The following ZNF32 variants were observed in gnomAD, a reference collection of about 807,000 sequenced individuals.
ZNF32 encodes the protein zinc finger protein 32.
A neutral mutation model predicts 24.4 loss-of-function variants in ZNF32; 13 were observed. The observed-to-expected ratio is 0.53, with a 90% CI of 0.35 to 0.85. The LOEUF is 0.85. Ranked by LOEUF, ZNF32 falls within the 40% of genes least tolerant of loss-of-function variation. ZNF32 has a pLI of 0.01. For synonymous variants in ZNF32, 115 were observed against 117.4 expected, an observed-to-expected ratio of 0.98 and a Z score of 0.13; for missense variants, 239 against 325.3, an observed-to-expected ratio of 0.73 and a Z score of 2.04.
intron 1 of ZNF32, chr10:43,648,024 G>A (rs1425147375): frequency 1.3e-5 from 2 of 152,190 alleles, no homozygotes; most frequent in Non-Finnish European, 2.9e-5. Flanking sequence ...CTATTAGAAA[G>A]GCTACTATAT....
chr10:43,645,721 T>C (rs1197945323), intron 2 of ZNF32, among the ~76,000 whole-genome samples: 1 of 152,160 alleles, frequency 6.6e-6, no homozygotes, highest in Non-Finnish European at 1.5e-5. Context: ...GCACTTTAAA[T>C]ATGGGTCCAT....
chr10:43,648,344 C>A (rs1242000608), intron 1 of ZNF32, among the ~76,000 whole-genome samples: 2 of 152,178 alleles, frequency 1.3e-5, no homozygotes, highest in African/African-American at 4.8e-5. Context: ...TTGTGGGTAG[C>A]GTGGTTTCCC....
At chr10:43,647,302 A>G (rs1419440858) in intron 1 of ZNF32, 2 of 152,090 alleles carry the variant, frequency 1.3e-5, no homozygotes, top group Non-Finnish European at 2.9e-5. Flanking sequence ...GCTGGTCTCC[A>G]ACTCTTGGCC....
chr10:43,644,306 TA>T lies in ZNF32; in HGVS notation c.565del (p.Tyr189IlefsTer16). 6.2e-7 allele frequency: 1 copy of T among 1,614,254 alleles called. No individual in the cohort carries two copies. Among genetic ancestry groups the T allele is most frequent in the East Asian group, 2.2e-5 (1 of 44,892 alleles). ...GGCTTTTCCACACTGATCACATCTA[TA>T]GGGCTTCTCACCACTGTGAACTCTC... ...HRRVHSGEKP[Y>X]RCDQCGKAFS... On this transcript the variant is annotated frameshift_variant, in exon 3 of 3. Coordinates refer to ENST00000374433, the MANE Select transcript of ZNF32 (RefSeq NM_006973.3). LOFTEE classifies it high-confidence loss of function. The surrounding 1 kb of genome is among the most constrained non-coding windows in gnomAD (Gnocchi z 5.3).
chr10:43,644,451 T>G lies in ZNF32; in HGVS notation c.421A>C (p.Ser141Arg). 1.9e-6 allele frequency: 3 copies of G among 1,614,184 alleles called. No homozygotes were observed. The South Asian group carries it at 3.3e-5, about 18-fold the overall frequency. ...KPYQCKECGK[S>R]FSQRGSLAVH... ...GCGAGACTACCTCGTTGACTGAAGC[T>G]TTTCCCACACTCCTTGCACTGATAA... The change falls in exon 3 of 3, where the codon AGC (serine) becomes CGC (arginine). Residue 141 changes from serine (S) to arginine (R), a missense_variant. Coordinates refer to ENST00000374433, the MANE Select transcript of ZNF32 (RefSeq NM_006973.3). This position sits in a 1 kb window ranked among gnomAD's most constrained non-coding sequence, Gnocchi z 5.3.
intron 2 of ZNF32, among the ~76,000 whole-genome samples, chr10:43,645,448 G>A (rs1241227064): frequency 6.6e-6 from 1 of 152,168 alleles, no homozygotes; most frequent in Admixed American, 6.5e-5. Context: ...GCTAATCCCT[G>A]CAACCCTACA....
chr10:43,646,359 C>T (rs1346971367), intron 1 of ZNF32, 157 bp from the exon 2 acceptor site: 1 of 528,248 alleles, frequency 1.9e-6, no homozygotes, highest in Non-Finnish European at 3.4e-6. Flanking sequence ...AAAATGGGCC[C>T]AAAGGTACCA....
At chr10:43,645,303 G>A (rs537941819) in intron 2 of ZNF32, among the ~76,000 whole-genome samples, 21 of 152,310 alleles carry the variant, frequency 1.4e-4, no homozygotes, top group African/African-American at 5.1e-4. Flanking sequence ...ACCAATCCAA[G>A]TGAGGGGTCC....
chr10:43,645,030 C>A, intron 2 of ZNF32: 1 of 508,398 alleles, frequency 2.0e-6, no homozygotes. Flanking sequence ...AATAGGCATT[C>A]TCCATAGCAG....
intron 1 of ZNF32, chr10:43,647,834 C>T (rs1219283131): frequency 6.6e-6 from 1 of 152,252 alleles, no homozygotes; most frequent in Admixed American, 6.5e-5. Flanking sequence ...GAGTAGAATT[C>T]ACAGCTCTGC....
intron 2 of ZNF32, chr10:43,645,014 G>A (rs1839235352): frequency 1.8e-6 from 1 of 547,302 alleles, no homozygotes; most frequent in Non-Finnish European, 3.2e-6. Context: ...AGTTAGAGCT[G>A]ACTCAAATAG....
At chr10:43,648,178 T>C (rs74138197) in intron 1 of ZNF32, among the ~76,000 whole-genome samples, 11,118 of 152,052 alleles carry the variant, frequency 0.073, 441 homozygotes, top group Middle Eastern at 0.095. Context: ...TCCTATCAGG[T>C]AGGACAATGA....
Position 43,646,161 on chromosome 10 carries a change from C to G in ZNF32, c.-28G>C. 6.2e-7 allele frequency: 1 copy of G among 1,613,324 alleles called. No homozygotes were observed. The highest frequency in any genetic ancestry group is 8.5e-7 in the Non-Finnish European group (1 of 1,179,570). Reference sequence around the variant, plus strand: ...CCACTCCTGCTTACGACCTCAGTCACCACCTCTTCATATGATTCTTCCATG... The same window carrying G: ...CCACTCCTGCTTACGACCTCAGTCAGCACCTCTTCATATGATTCTTCCATG... On this transcript the variant is annotated 5_prime_UTR_variant, in exon 2 of 3. Coordinates refer to ENST00000374433, the MANE Select transcript of ZNF32 (RefSeq NM_006973.3).
At chr10:43,646,916 T>G (rs1421087769) in intron 1 of ZNF32, among the ~76,000 whole-genome samples, 1 of 152,228 alleles carries the variant, frequency 6.6e-6, no homozygotes, top group Non-Finnish European at 1.5e-5. Context: ...CCAAAATGTA[T>G]GCTCTTACAT....
Position 43,646,275 on chromosome 10 carries a change from C to T in ZNF32, c.-69-73G>A, listed in dbSNP as rs118110340. On this transcript the variant is annotated intron_variant, in intron 1 of 2. Transcript: ENST00000374433. ...TGATATGTGAGAAGGAAAAAGTCAA[C>T]AGTTGTTGAGACATAAGTGAATGTA... is the stretch of plus-strand genomic sequence containing the variant. 9.6e-4 allele frequency: 871 copies of T among 905,202 alleles called. 5 individuals carry two copies. The Middle Eastern group carries it at 0.022, about 23-fold the overall frequency. 56.1% of individuals were successfully genotyped at this position (905,202 alleles called of 1,614,324 possible). A position where few individuals can be genotyped will look rare whatever the true frequency, so the allele number is the denominator to read the frequency against.
intron 1 of ZNF32, chr10:43,647,779 C>G (rs914027999): frequency 1.3e-5 from 2 of 152,300 alleles, no homozygotes; most frequent in African/African-American, 4.8e-5. Context: ...TACATGGCGC[C>G]TGCTGCCTGG....
chr10:43,645,965 A>C (rs1839271878), intron 2 of ZNF32, 99 bp downstream of exon 2: 1 of 1,547,692 alleles, frequency 6.5e-7, no homozygotes, highest in African/African-American at 1.4e-5. Flanking sequence ...TACCAAAGCA[A>C]GGTCTCCTCT....
In ZNF32 at chr10:43,643,960, C is replaced by G. The variant is rs1839189586; in HGVS notation, c.*90G>C. On this transcript the variant is annotated 3_prime_UTR_variant, in exon 3 of 3. Coordinates refer to ENST00000374433, the MANE Select transcript of ZNF32 (RefSeq NM_006973.3). Reference sequence around the variant, plus strand: ...AATGATGGTCTTTCTGAAAGATTCTCCATTCATTCCATAGAACTGGATAGG... The same window carrying G: ...AATGATGGTCTTTCTGAAAGATTCTGCATTCATTCCATAGAACTGGATAGG... 1 of 1,374,808 alleles carries G rather than the reference C, an allele frequency of 7.3e-7. No individual in the cohort carries two copies. Among genetic ancestry groups the G allele is most frequent in the South Asian group, 1.5e-5 (1 of 65,936 alleles). The allele number at this position is 1,374,808 out of a possible 1,614,324, so 85.2% of individuals were successfully genotyped here. A position where few individuals can be genotyped will look rare whatever the true frequency, so the allele number is the denominator to read the frequency against.
chr10:43,647,286 G>T (rs1839335621), intron 1 of ZNF32: 1 of 151,788 alleles, frequency 6.6e-6, no homozygotes, highest in African/African-American at 2.4e-5. Flanking sequence ...TCATTATCCT[G>T]CCCAGGCTGG....
Sources: gnomAD v4.1 joint callset for allele counts (sites outside exome capture counted in the v4.1 genomes callset) on GRCh38, gnomAD v4.1.1 for gene constraint, Gnocchi (gnomAD v3.1) non-coding constraint, MANE v1.5 for transcripts, NCBI Gene and HGNC (gene_info 2026-07-23, HGNC 2026-07-21) for gene names.